Variants in UBE2V2 observed in about 807,000 individuals in gnomAD.
UBE2V2 encodes ubiquitin conjugating enzyme E2 V2, also known as ubiquitin-conjugating enzyme E2 variant 2.
UBE2V2 carries 9 observed loss-of-function variants against 17.2 expected under a neutral mutation model. That is an observed-to-expected ratio of 0.52 (90% CI 0.32 to 0.91). The LOEUF is 0.91. UBE2V2 is among the 40% of genes least tolerant of loss of function. UBE2V2 has a pLI of 0.04. For missense variants in UBE2V2, 133 were observed against 182.6 expected (o/e 0.73, Z 1.56); for synonymous variants, 61 against 57.5 (o/e 1.06, Z -0.28).
In UBE2V2 at chr8:48,061,024, A is replaced by G. The variant is rs1802584220; in HGVS notation, c.*196A>G. The G allele has an allele frequency of 6.8e-6, 3 of 441,038 alleles. No homozygotes were observed. The highest frequency in any genetic ancestry group is 1.1e-5 in the Non-Finnish European group (3 of 277,894). 27.3% of individuals were successfully genotyped at this position (441,038 alleles called of 1,614,324 possible). ...GGTAACAGGAGGAAAAATGCAGCAC[A>G]ATTTTTTTTCTCTTGAAAGGCACTG... On this transcript the variant is annotated 3_prime_UTR_variant, in exon 4 of 4. Coordinates refer to ENST00000523111, the MANE Select transcript of UBE2V2 (RefSeq NM_003350.3).
chr8:48,043,010 T>G (rs1284961466), intron 1 of UBE2V2, 23 bp from the exon 2 acceptor site: 2 of 1,459,992 alleles, frequency 1.4e-6, no homozygotes, highest in Non-Finnish European at 1.8e-6. Context: ...TTTTTACATT[T>G]ACACTGACGT....
the UBE2V2 span, among the ~76,000 whole-genome samples, chr8:47,998,975 C>T: frequency 6.6e-6 from 1 of 152,236 alleles, no homozygotes; most frequent in African/African-American, 2.4e-5. Flanking sequence ...CCACATATCA[C>T]CTTGTGACGT....
chr8:48,018,372 A>T (rs1420552472), intron 1 of UBE2V2, among the ~76,000 whole-genome samples: 4 of 152,150 alleles, frequency 2.6e-5, no homozygotes, highest in Non-Finnish European at 5.9e-5. Flanking sequence ...CATTTTTTTC[A>T]ATAAACTTCC....
chr8:48,049,214 G>A (rs943859710), intron 2 of UBE2V2, among the ~76,000 whole-genome samples: 24 of 152,152 alleles, frequency 1.6e-4, no homozygotes, highest in African/African-American at 5.1e-4. Context: ...AAGTGGCAAC[G>A]TAAGTATAAC....
chr8:48,000,402 A>C, the UBE2V2 span, among the ~76,000 whole-genome samples: 1 of 152,226 alleles, frequency 6.6e-6, no homozygotes, highest in Non-Finnish European at 1.5e-5. Context: ...GCCCTGTTGC[A>C]GTCTGCTGCA....
Position 48,060,888 on chromosome 8 carries a change from A to G in UBE2V2, c.*60A>G, listed in dbSNP as rs1802583062. The G allele has an allele frequency of 1.5e-6, 2 of 1,363,740 alleles. No individual in the cohort carries two copies. Among genetic ancestry groups the G allele is most frequent in the African/African-American group, 3.0e-5 (2 of 67,080 alleles). The allele number at this position is 1,363,740 out of a possible 1,614,324, so 84.5% of individuals were successfully genotyped here. A position where few individuals can be genotyped will look rare whatever the true frequency, so the allele number is the denominator to read the frequency against. On this transcript the variant is annotated 3_prime_UTR_variant, in exon 4 of 4. Coordinates refer to ENST00000523111, the MANE Select transcript of UBE2V2 (RefSeq NM_003350.3). ...ACCTTCTACTCATGTTAATGTCTTG[A>G]TTAAATATCACAATGCAAAATACAC...
chr8:48,001,858 G>A, the UBE2V2 span, among the ~76,000 whole-genome samples: 4 of 152,204 alleles, frequency 2.6e-5, no homozygotes, highest in African/African-American at 9.6e-5. Flanking sequence ...GGGAGTCCAA[G>A]GCGGGTGGAT....
intron 1 of UBE2V2, among the ~76,000 whole-genome samples, chr8:48,028,328 C>T (rs530058916): frequency 8.7e-5 from 13 of 149,990 alleles, no homozygotes; most frequent in East Asian, 2.0e-4. Flanking sequence ...CCACCACACC[C>T]GGCTGTTTTC....
intron 1 of UBE2V2, among the ~76,000 whole-genome samples, chr8:48,039,860 G>A (rs1036824823): frequency 2.0e-5 from 3 of 151,790 alleles, no homozygotes; most frequent in African/African-American, 7.3e-5. Flanking sequence ...TGAATAGCTG[G>A]GACCACAGGC....
rs2154507931 is a variant in UBE2V2, at chr8:48,049,990, T to C, written c.291+12T>C. Reference sequence around the variant, plus strand: ...ATTCCAGTGGGATGGTAAGTTAATATAGTCATTTTGGTTTTATATAACATA... The same window carrying C: ...ATTCCAGTGGGATGGTAAGTTAATACAGTCATTTTGGTTTTATATAACATA... On this transcript the variant is annotated intron_variant, in intron 3 of 3. Coordinates refer to ENST00000523111, the MANE Select transcript of UBE2V2 (RefSeq NM_003350.3). 4 of 1,511,270 alleles carry C rather than the reference T, an allele frequency of 2.6e-6. No individual in the cohort carries two copies. The East Asian group carries it at 9.2e-5, about 35-fold the overall frequency. The allele number at this position is 1,511,270 out of a possible 1,614,324, so 93.6% of individuals were successfully genotyped here. A position where few individuals can be genotyped will look rare whatever the true frequency, so the allele number is the denominator to read the frequency against.
At chr8:48,053,422 ATT>A (rs1218371704) in intron 3 of UBE2V2, among the ~76,000 whole-genome samples, 17 of 136,520 alleles carry the variant, frequency 1.2e-4, no homozygotes, top group Admixed American at 2.2e-4. Flanking sequence ...AGATCTTTTA[ATT>A]TTTTTTTTTT....
At chr8:48,015,143 C>T (rs1253992787) in intron 1 of UBE2V2, among the ~76,000 whole-genome samples, 2 of 151,152 alleles carry the variant, frequency 1.3e-5, no homozygotes, top group African/African-American at 2.4e-5. Context: ...TTTGGGAGGT[C>T]GAGGTGGGTG....
At chr8:48,020,904 AT>A (rs746968265) in intron 1 of UBE2V2, among the ~76,000 whole-genome samples, 542 of 141,528 alleles carry the variant, frequency 3.8e-3, no homozygotes, top group Middle Eastern at 0.015. Context: ...TGCCCAGCTA[AT>A]TTTTTTTTTT....
At chr8:48,029,501 G>A (rs2091368513) in intron 1 of UBE2V2, among the ~76,000 whole-genome samples, 1 of 152,152 alleles carries the variant, frequency 6.6e-6, no homozygotes, top group Non-Finnish European at 1.5e-5. Context: ...TGCCAGGTGA[G>A]GTTTAATCTC....
At chr8:48,008,314 A>G (rs2091199191), upstream of UBE2V2, 2 of 1,153,712 alleles carry the variant, frequency 1.7e-6, no homozygotes, top group Non-Finnish European at 2.3e-6. Context: ...CCCTCGGCCC[A>G]CGTGCGCGCT....
chr8:48,010,473 C>G (rs1338660973), intron 1 of UBE2V2, among the ~76,000 whole-genome samples: 2 of 149,702 alleles, frequency 1.3e-5, no homozygotes, highest in African/African-American at 2.5e-5. Flanking sequence ...GCGATCTCGG[C>G]TCACTGCAAC....
chr8:48,028,101 C>T (rs1225786262), intron 1 of UBE2V2, among the ~76,000 whole-genome samples: 1 of 152,142 alleles, frequency 6.6e-6, no homozygotes, highest in Non-Finnish European at 1.5e-5. Flanking sequence ...ATCTGCCTGC[C>T]TTGGCCTCCC....
At chr8:48,022,520 A>T (rs2091312769) in intron 1 of UBE2V2, among the ~76,000 whole-genome samples, 1 of 152,220 alleles carries the variant, frequency 6.6e-6, no homozygotes, top group South Asian at 2.1e-4. Context: ...TACTAAAGAT[A>T]CAAGTAATTT....
chr8:48,054,063 C>T (rs1156805616), intron 3 of UBE2V2, among the ~76,000 whole-genome samples: 1 of 152,140 alleles, frequency 6.6e-6, no homozygotes, highest in Non-Finnish European at 1.5e-5. Flanking sequence ...CCTCGGCCTC[C>T]CAGAGTGCTG....
Sources: gnomAD v4.1 joint callset for allele counts (sites outside exome capture counted in the v4.1 genomes callset) on GRCh38, gnomAD v4.1.1 for gene constraint, MANE v1.5 for transcripts, NCBI Gene and HGNC (gene_info 2026-07-23, HGNC 2026-07-21) for gene names.